Variants in CAPN2 observed in about 807,000 individuals in gnomAD.
CAPN2 encodes calpain 2.
CAPN2 carries 92 observed loss-of-function variants against 102.3 expected under a neutral mutation model. The observed-to-expected ratio is 0.90, with a 90% CI of 0.76 to 1.07. The LOEUF (loss-of-function observed/expected upper bound fraction) is 1.07. Among genes scored for constraint, CAPN2 ranks in the 50% least tolerant of loss-of-function variants. The pLI is 0.00. For synonymous variants in CAPN2, 340 were observed against 355.4 expected, an observed-to-expected ratio of 0.96 and a Z score of 0.49; for missense variants, 800 against 909.4, an observed-to-expected ratio of 0.88 and a Z score of 1.55.
chr1:223,767,193 T>C (rs888707137), intron 16 of CAPN2, among the ~76,000 whole-genome samples: 12 of 148,884 alleles, frequency 8.1e-5, no homozygotes, highest in Non-Finnish European at 1.5e-4. Context: ...TATTTATTTA[T>C]TTTTTATTAT....
chr1:223,714,318 C>A (rs1373602179), intron 1 of CAPN2, among the ~76,000 whole-genome samples: 1 of 152,188 alleles, frequency 6.6e-6, no homozygotes, highest in African/African-American at 2.4e-5. Context: ...TTCATTCATT[C>A]ATTCATTCAT....
Position 223,774,892 on chromosome 1 carries a change from T to G in CAPN2, c.*35T>G. On this transcript the variant is annotated 3_prime_UTR_variant, in exon 21 of 21. Transcript: ENST00000295006. ...TAATCTGCCTGAAGACTTCTCATGA[T>G]GGAAAATCAGCCAAGGACTAAGCTT... 1 of 1,595,738 alleles carries G rather than the reference T, an allele frequency of 6.3e-7. No homozygotes were observed. The highest frequency in any genetic ancestry group is 8.6e-7 in the Non-Finnish European group (1 of 1,164,500).
Position 223,775,121 on chromosome 1 carries a change from A to C in CAPN2, c.*264A>C. Reference sequence around the variant, plus strand: ...GTCAAAGAAAGCTTTAAATCTGTAAATAGTATACACTTTTTACTTTTACAC... The same window carrying C: ...GTCAAAGAAAGCTTTAAATCTGTAACTAGTATACACTTTTTACTTTTACAC... On this transcript the variant is annotated 3_prime_UTR_variant, in exon 21 of 21. Transcript: ENST00000295006. 1 of 488,684 alleles carries C rather than the reference A, an allele frequency of 2.0e-6. No individual in the cohort carries two copies. The highest frequency in any genetic ancestry group is 3.6e-6 in the Non-Finnish European group (1 of 276,644). 30.3% of individuals were successfully genotyped at this position (488,684 alleles called of 1,614,324 possible). A position where few individuals can be genotyped will look rare whatever the true frequency, so the allele number is the denominator to read the frequency against.
chr1:223,708,353 G>A (rs1193938747), upstream of CAPN2, among the ~76,000 whole-genome samples: 1 of 151,686 alleles, frequency 6.6e-6, no homozygotes, highest in Non-Finnish European at 1.5e-5. Context: ...TGAACCGGGA[G>A]GCGGAGGTTG....
At chr1:223,745,202 A>G in intron 3 of CAPN2, 104 bp from the exon 4 acceptor site, 1 of 1,483,262 alleles carries the variant, frequency 6.7e-7, no homozygotes, top group Non-Finnish European at 9.2e-7. Flanking sequence ...CGCTCATGGA[A>G]CCTATCCCAG....
chr1:223,749,204 C>A, intron 6 of CAPN2, 82 bp downstream of exon 6: 1 of 1,231,310 alleles, frequency 8.1e-7, no homozygotes, highest in Non-Finnish European at 1.2e-6. Flanking sequence ...TGCCCAGGGG[C>A]CCGCGCGGCC....
Position 223,747,029 on chromosome 1 carries a change from G to C in CAPN2, c.593G>C (p.Gly198Ala). Residue 198 changes from glycine to alanine, a missense_variant, in exon 5 of 21, where the codon GGT becomes GCT. Gly to Ala is a moderately conservative substitution (Grantham distance 60). Transcript: ENST00000295006. ...INGCYEALSG[G>A]ATTEGFEDFT... Reference sequence around the variant, plus strand: ...GGATGCTATGAAGCGCTATCAGGGGGTGCCACCACTGAGGGCTTCGAAGAC... The same window carrying C: ...GGATGCTATGAAGCGCTATCAGGGGCTGCCACCACTGAGGGCTTCGAAGAC... 6.2e-7 allele frequency: 1 copy of C among 1,613,950 alleles called. No homozygotes were observed. Among genetic ancestry groups the C allele is most frequent in the Non-Finnish European group, 8.5e-7 (1 of 1,179,898 alleles).
chr1:223,722,122 G>A (rs1023420521), intron 2 of CAPN2, among the ~76,000 whole-genome samples: 14 of 152,124 alleles, frequency 9.2e-5, no homozygotes, highest in African/African-American at 3.4e-4. Flanking sequence ...CTTGTGGCCT[G>A]TGTTTGGGTA....
intron 19 of CAPN2, 59 bp downstream of exon 19, chr1:223,771,984 C>G: frequency 7.9e-7 from 1 of 1,270,940 alleles, no homozygotes; most frequent in South Asian, 1.2e-5. Context: ...AGTGGCCTGC[C>G]TTTCACCTCG....
chr1:223,741,469 T>TATA (rs1660615299), intron 2 of CAPN2, among the ~76,000 whole-genome samples: 2 of 136,498 alleles, frequency 1.5e-5, no homozygotes, highest in African/African-American at 5.4e-5. Flanking sequence ...TATATATATA[T>TATA]TTGAGAGGGA....
upstream of CAPN2, among the ~76,000 whole-genome samples, chr1:223,709,965 T>G (rs987696845): frequency 6.6e-6 from 1 of 151,858 alleles, no homozygotes; most frequent in Non-Finnish European, 1.5e-5. Flanking sequence ...CAACTTAGAG[T>G]TATAAAATAA....
intron 12 of CAPN2, 75 bp from the exon 13 acceptor site, chr1:223,761,506 C>A: frequency 8.0e-7 from 1 of 1,254,928 alleles, no homozygotes; most frequent in Non-Finnish European, 1.2e-6. Flanking sequence ...CACTGCACTT[C>A]CATTTTAGCA....
At chr1:223,760,250 T>G (rs1210490585) in intron 12 of CAPN2, among the ~76,000 whole-genome samples, 1 of 152,176 alleles carries the variant, frequency 6.6e-6, no homozygotes, top group African/African-American at 2.4e-5. Context: ...GGGTGTGAGA[T>G]GACCCCTTGG....
upstream of CAPN2, among the ~76,000 whole-genome samples, chr1:223,710,694 A>G (rs2102769229): frequency 6.6e-6 from 1 of 152,150 alleles, no homozygotes; most frequent in East Asian, 1.9e-4. Flanking sequence ...TGTCTCCACA[A>G]CCTCTTATCG....
Position 223,730,417 on chromosome 1 carries a change from C to G in CAPN2, c.307+12586C>G, listed in dbSNP as rs1430712962. Among the ~76,000 whole-genome samples the G allele has an allele frequency of 2.0e-5, 3 of 146,614 alleles. No homozygotes were observed. The East Asian group carries it at 5.9e-4, about 29-fold the overall frequency. ...GTGGCCCAAGACAATTCTTCTTCTT[C>G]CAGTGTGGCCCAGGGAAGCCAAAAG... On this transcript the variant is annotated intron_variant, in intron 2 of 20. Transcript: ENST00000295006.
intron 1 of CAPN2, among the ~76,000 whole-genome samples, chr1:223,714,431 T>A (rs1197170752): frequency 1.3e-5 from 2 of 152,020 alleles, no homozygotes; most frequent in South Asian, 4.1e-4. Context: ...AGTGACTGTT[T>A]GTAGAATATG....
chr1:223,742,518 A>ATT (rs199697766), intron 2 of CAPN2, among the ~76,000 whole-genome samples: 61 of 114,402 alleles, frequency 5.3e-4, no homozygotes, highest in South Asian at 8.3e-4. Flanking sequence ...ATATATATAT[A>ATT]TTTTTTTTTT....
At position 223,759,040 on chromosome 1, in the gene CAPN2, A is replaced by AT. The variant is rs869215209; in HGVS notation, c.1318-223dup. The AT allele has an allele frequency of 1.8e-6, 1 of 558,788 alleles. No individual in the cohort carries two copies. The highest frequency in any genetic ancestry group is 2.1e-5 in the South Asian group (1 of 48,770). The allele number at this position is 558,788 out of a possible 1,614,324, so 34.6% of individuals were successfully genotyped here. On this transcript the variant is annotated intron_variant, in intron 11 of 20. Coordinates refer to ENST00000295006, the MANE Select transcript of CAPN2 (RefSeq NM_001748.5). This position sits in a 1 kb window ranked among gnomAD's most constrained non-coding sequence, Gnocchi z 4.6. ...ACCCAGGCATTGTCACTGTACTGCT[A>AT]TTTTTTTAAAAAAATTTTGTTGTTT...
At chr1:223,751,539 C>T (rs1660897666) in intron 7 of CAPN2, among the ~76,000 whole-genome samples, 2 of 152,122 alleles carry the variant, frequency 1.3e-5, no homozygotes, top group African/African-American at 4.8e-5. Context: ...GGTTAGTTTA[C>T]CCTGTGCACT....
Sources: gnomAD v4.1 joint callset for allele counts (sites outside exome capture counted in the v4.1 genomes callset) on GRCh38, gnomAD v4.1.1 for gene constraint, Gnocchi (gnomAD v3.1) non-coding constraint, MANE v1.5 for transcripts, NCBI Gene and HGNC (gene_info 2026-07-23, HGNC 2026-07-21) for gene names.